NTRK2: variants seen among roughly 807,000 people sequenced by gnomAD.
The protein encoded by NTRK2 is BDNF/NT-3 growth factors receptor.
NTRK2 carries 13 observed loss-of-function variants against 94.5 expected under a neutral mutation model. That is an observed-to-expected ratio of 0.14 (90% CI 0.09 to 0.22). NTRK2 has a LOEUF of 0.22. NTRK2 is among the 10% of genes least tolerant of loss of function. NTRK2 has a pLI of 1.00. For synonymous variants in NTRK2, 372 were observed against 407.4 expected (o/e 0.91, Z 1.05); for missense variants, 639 against 1,071.2 (o/e 0.60, Z 5.63).
intron 8 of NTRK2, among the ~76,000 whole-genome samples, chr9:84,725,235 T>C (rs1390725207): frequency 6.6e-6 from 1 of 152,184 alleles, no homozygotes; most frequent in Non-Finnish European, 1.5e-5. Flanking sequence ...TGGTTAACAC[T>C]CACTCATAGC....
rs1381525587 is a variant in NTRK2 at position 84,874,144 on chromosome 9, G to C, written c.1633+6713G>C. 5 of 1,064,914 alleles carry C rather than the reference G, an allele frequency of 4.7e-6. No homozygotes were observed. In the South Asian group the frequency reaches 2.3e-4, roughly 48 times the overall value. 66.0% of individuals were successfully genotyped at this position (1,064,914 alleles called of 1,614,324 possible). A position where few individuals can be genotyped will look rare whatever the true frequency, so the allele number is the denominator to read the frequency against. ...TCCAATCAAGCTACGCCCCCATTTT[G>C]GTTTCGGATTGGCCACTCTTGCATG... On this transcript the variant is annotated intron_variant, in intron 14 of 18. Transcript: ENST00000277120.
intron 11 of NTRK2, among the ~76,000 whole-genome samples, chr9:84,750,058 A>G (rs144247119): frequency 1.9e-3 from 291 of 152,322 alleles, no homozygotes; most frequent in African/African-American, 6.5e-3. Context: ...TGACAGAGAT[A>G]AAGAGCACTG....
chr9:84,927,436 T>C (rs759475854), intron 14 of NTRK2, among the ~76,000 whole-genome samples: 2 of 152,186 alleles, frequency 1.3e-5, no homozygotes, highest in African/African-American at 2.4e-5. Flanking sequence ...TATAAGGTCC[T>C]TGAAGACAGG....
chr9:84,751,716 T>C (rs2064632929), intron 11 of NTRK2, among the ~76,000 whole-genome samples: 1 of 152,210 alleles, frequency 6.6e-6, no homozygotes, highest in South Asian at 2.1e-4. Context: ...TGTAATATTT[T>C]TAAAATGCCA....
intron 2 of NTRK2, among the ~76,000 whole-genome samples, chr9:84,695,327 A>G (rs1251965981): frequency 6.6e-6 from 1 of 152,184 alleles, no homozygotes; most frequent in Non-Finnish European, 1.5e-5. Flanking sequence ...GATGCATTAG[A>G]TACTACTCCT....
intron 5 of NTRK2, 91 bp downstream of exon 5, chr9:84,708,003 C>A (rs996970139): frequency 2.0e-6 from 2 of 981,482 alleles, no homozygotes; most frequent in Non-Finnish European, 1.6e-6. Flanking sequence ...TGTTGCAGAT[C>A]TATTTTTATA....
intron 14 of NTRK2, among the ~76,000 whole-genome samples, chr9:84,894,488 A>G (rs190021811): frequency 6.6e-5 from 10 of 152,198 alleles, no homozygotes; most frequent in Admixed American, 5.9e-4. Context: ...ATCAGATACT[A>G]CTCAGCAAAT....
chr9:84,776,325 G>A (rs1025478577), intron 12 of NTRK2, among the ~76,000 whole-genome samples: 1 of 152,096 alleles, frequency 6.6e-6, no homozygotes, highest in Admixed American at 6.5e-5. Flanking sequence ...AGGTTCAAGC[G>A]ATTCTTATGC....
intron 2 of NTRK2, among the ~76,000 whole-genome samples, chr9:84,696,731 G>A (rs904081192): frequency 2.0e-5 from 3 of 152,154 alleles, no homozygotes; most frequent in Non-Finnish European, 4.4e-5. Flanking sequence ...CATGCCAACC[G>A]ATGGAATAAA....
intron 17 of NTRK2, among the ~76,000 whole-genome samples, chr9:84,993,587 G>A (rs559118895): frequency 1.2e-4 from 18 of 152,310 alleles, no homozygotes; most frequent in African/African-American, 4.3e-4. Flanking sequence ...GTCCTTTGTA[G>A]AGTGCAAATC....
intron 10 of NTRK2, among the ~76,000 whole-genome samples, chr9:84,743,585 C>T (rs1443576807): frequency 6.6e-6 from 1 of 152,134 alleles, no homozygotes; most frequent in Non-Finnish European, 1.5e-5. Context: ...CAAATTGTTT[C>T]ACAGAGAAAT....
At chr9:84,877,109 T>G in intron 14 of NTRK2, 1 of 1,064,738 alleles carries the variant, frequency 9.4e-7, no homozygotes, top group Non-Finnish European at 1.1e-6. Context: ...CAATCACACT[T>G]TCCTTCTCGG....
At chr9:84,785,220 C>G (rs776041469) in intron 12 of NTRK2, among the ~76,000 whole-genome samples, 7 of 152,152 alleles carry the variant, frequency 4.6e-5, no homozygotes, top group Non-Finnish European at 7.4e-5. Flanking sequence ...CACTCCTCCT[C>G]CCACCCTCCA....
intron 2 of NTRK2, among the ~76,000 whole-genome samples, chr9:84,678,151 T>C (rs934425328): frequency 1.7e-4 from 26 of 152,244 alleles, no homozygotes; most frequent in African/African-American, 6.3e-4. Flanking sequence ...CTTAATTATC[T>C]TGAGTTGTAA....
At chr9:84,939,358 G>T (rs1022457867) in intron 15 of NTRK2, among the ~76,000 whole-genome samples, 4 of 152,132 alleles carry the variant, frequency 2.6e-5, no homozygotes, top group Non-Finnish European at 5.9e-5. Flanking sequence ...TAGCCTAAAA[G>T]AGATCATTTA....
intron 12 of NTRK2, among the ~76,000 whole-genome samples, chr9:84,844,854 T>C (rs1358567463): frequency 6.6e-6 from 1 of 151,442 alleles, no homozygotes; most frequent in Non-Finnish European, 1.5e-5. Context: ...AATTCATCCA[T>C]GTAACCAAAA....
At chr9:84,874,307 G>A (rs2075986039) in intron 14 of NTRK2, 11 of 1,065,078 alleles carry the variant, frequency 1.0e-5, no homozygotes, top group South Asian at 9.1e-5. Flanking sequence ...TGGCACCACC[G>A]GAGTTTTTCT....
chr9:84,818,775 G>A (rs1402858456), intron 12 of NTRK2, among the ~76,000 whole-genome samples: 2 of 152,148 alleles, frequency 1.3e-5, no homozygotes, highest in African/African-American at 2.4e-5. Context: ...GAAACCTTGC[G>A]AGTGGAAAGG....
intron 15 of NTRK2, among the ~76,000 whole-genome samples, chr9:84,942,769 T>A (rs2078455636): frequency 6.6e-6 from 1 of 150,986 alleles, no homozygotes. Flanking sequence ...TCAAAATCTG[T>A]TAGGTTTTTT....
Sources: allele counts gnomAD v4.1 joint callset (sites outside exome capture counted in the v4.1 genomes callset), GRCh38; gene constraint gnomAD v4.1.1; transcripts MANE v1.5; gene names NCBI Gene and HGNC (gene_info 2026-07-23, HGNC 2026-07-21).